The following GAS7 variants were observed in gnomAD, a reference collection of about 807,000 sequenced individuals.
GAS7 encodes growth arrest specific 7.
Under a neutral mutation model 71.1 loss-of-function variants are expected in GAS7, and 28 were observed. The ratio of observed to expected loss-of-function variants is 0.39; its 90% confidence interval spans 0.29 to 0.54. The LOEUF (loss-of-function observed/expected upper bound fraction) is 0.54. GAS7 is among the 20% of genes least tolerant of loss of function. GAS7 has a pLI of 0.62. For synonymous variants in GAS7, 258 were observed against 245.8 expected, an observed-to-expected ratio of 1.05 and a Z score of -0.46; for missense variants, 436 against 627.8, an observed-to-expected ratio of 0.69 and a Z score of 3.27.
chr17:9,921,676 T>C (rs2067814828), intron 11 of GAS7, among the ~76,000 whole-genome samples: 1 of 152,126 alleles, frequency 6.6e-6, no homozygotes, highest in Admixed American at 6.5e-5. Flanking sequence ...AATGCCTTTG[T>C]TGGCCAGGCG....
At chr17:10,194,099 T>C (rs964898224) in intron 1 of GAS7, among the ~76,000 whole-genome samples, 1 of 152,226 alleles carries the variant, frequency 6.6e-6, no homozygotes. Flanking sequence ...GCAGCCATTC[T>C]AGTTGTGCCA....
rs577341178 is a variant in GAS7, at chr17:9,946,507, C to T, written c.615+387G>A. On this transcript the variant is annotated intron_variant, in intron 6 of 13. Transcript: ENST00000432992. The stretch of plus-strand genomic sequence containing the variant: ...AACTGCCTCACAATTCTGATGAGAA[C>T]ACTGAGGCCCAAGGAGGTGAAGCAC... 2.6e-5 allele frequency among the ~76,000 whole-genome samples: 4 copies of T among 152,330 alleles called. No homozygotes were observed. The East Asian group carries it at 7.7e-4, about 29-fold the overall frequency.
At chr17:10,009,252 C>T (rs1464203660) in intron 2 of GAS7, among the ~76,000 whole-genome samples, 3 of 140,988 alleles carry the variant, frequency 2.1e-5, no homozygotes, top group Non-Finnish European at 4.5e-5. Flanking sequence ...ACCCGGGAGG[C>T]GGAGCTTGCA....
intron 1 of GAS7, among the ~76,000 whole-genome samples, chr17:10,169,460 A>C (rs1258913606): frequency 1.3e-5 from 2 of 152,118 alleles, no homozygotes; most frequent in African/African-American, 2.4e-5. Flanking sequence ...GATGCTAACA[A>C]CACCAGGAAG....
Position 10,026,234 on chromosome 17 carries a change from G to A in GAS7, c.184-6337C>T. The stretch of plus-strand genomic sequence containing the variant: ...CTCGCTTTAGCAGCCAGATCAGACG[G>A]TTTTAAGGTCTCCCACTCTGCATCC... On this transcript the variant is annotated intron_variant, in intron 1 of 13. Transcript: ENST00000432992. The surrounding 1 kb of genome is among the most constrained non-coding windows in gnomAD (Gnocchi z 4.5). The A allele has an allele frequency of 1.0e-6, 1 of 985,212 alleles. No homozygotes were observed. The highest frequency in any genetic ancestry group is 1.2e-6 in the Non-Finnish European group (1 of 829,784). The allele number at this position is 985,212 out of a possible 1,614,324, so 61.0% of individuals were successfully genotyped here.
intron 6 of GAS7, among the ~76,000 whole-genome samples, chr17:9,945,531 G>T (rs2068757853): frequency 6.6e-6 from 1 of 152,020 alleles, no homozygotes; most frequent in Non-Finnish European, 1.5e-5. Context: ...CTCTACCCTG[G>T]ACACAGCACA....
At chr17:9,927,716 G>C (rs1440762930) in intron 9 of GAS7, among the ~76,000 whole-genome samples, 1 of 152,188 alleles carries the variant, frequency 6.6e-6, no homozygotes, top group East Asian at 1.9e-4. Context: ...CATTCAATTA[G>C]AAGGTCTCAG....
chr17:9,949,294 A>G (rs1163079322), intron 5 of GAS7, among the ~76,000 whole-genome samples: 1 of 152,196 alleles, frequency 6.6e-6, no homozygotes, highest in Non-Finnish European at 1.5e-5. Flanking sequence ...GTGCTGACGG[A>G]TTATGTGATG....
chr17:10,068,345 G>C (rs1209310133), intron 1 of GAS7, among the ~76,000 whole-genome samples: 2 of 152,112 alleles, frequency 1.3e-5, no homozygotes, highest in East Asian at 3.9e-4. Flanking sequence ...ATGAAGCCCT[G>C]GGTTTCCTTC....
At chr17:10,163,317 GT>G (rs2074270196) in intron 1 of GAS7, among the ~76,000 whole-genome samples, 1 of 151,940 alleles carries the variant, frequency 6.6e-6, no homozygotes, top group South Asian at 2.1e-4. Context: ...CGGGGGAGTG[GT>G]TTCACCATGT....
At chr17:10,162,786 A>G (rs994828194) in intron 1 of GAS7, among the ~76,000 whole-genome samples, 14 of 152,348 alleles carry the variant, frequency 9.2e-5, no homozygotes, top group African/African-American at 3.4e-4. Flanking sequence ...TGAGGTCCCT[A>G]GTATAGTCAA....
At chr17:9,947,996 T>C (rs910900721) in intron 5 of GAS7, among the ~76,000 whole-genome samples, 14 of 152,234 alleles carry the variant, frequency 9.2e-5, no homozygotes, top group African/African-American at 3.4e-4. Flanking sequence ...AGTAATTATA[T>C]TTTTCTTGTT....
chr17:10,038,167 G>A (rs575911746), intron 1 of GAS7, among the ~76,000 whole-genome samples: 13 of 152,060 alleles, frequency 8.5e-5, no homozygotes, highest in Admixed American at 5.2e-4. Flanking sequence ...AGACCAACCC[G>A]GCCAACGTGG....
At chr17:10,139,356 G>A (rs2074063476) in intron 1 of GAS7, among the ~76,000 whole-genome samples, 1 of 152,218 alleles carries the variant, frequency 6.6e-6, no homozygotes. Flanking sequence ...TTGTCCAGGG[G>A]ACAGAGTCTA....
intron 13 of GAS7, 149 bp from the exon 14 acceptor site, chr17:9,917,490 A>G: frequency 3.1e-6 from 2 of 636,062 alleles, no homozygotes; most frequent in Non-Finnish European, 5.7e-6. Flanking sequence ...CATCTGAGGG[A>G]CAGCACATGA....
intron 7 of GAS7, among the ~76,000 whole-genome samples, chr17:9,940,581 C>T (rs2152090793): frequency 6.6e-6 from 1 of 152,276 alleles, no homozygotes; most frequent in Admixed American, 6.5e-5. Context: ...CCAGCAATCC[C>T]CAGTGCTGTC....
intron 1 of GAS7, among the ~76,000 whole-genome samples, chr17:10,119,147 G>A (rs937586462): frequency 1.4e-4 from 21 of 152,176 alleles, no homozygotes; most frequent in Admixed American, 1.4e-3. Context: ...GCGGGGAGCA[G>A]ACACTAAACA....
At chr17:9,979,947 C>T (rs1187817764) in intron 3 of GAS7, among the ~76,000 whole-genome samples, 3 of 151,962 alleles carry the variant, frequency 2.0e-5, no homozygotes, top group Non-Finnish European at 2.9e-5. Flanking sequence ...AGCTACAGTA[C>T]GAACGGGCCC....
chr17:10,180,166 C>A (rs970133914), intron 1 of GAS7, among the ~76,000 whole-genome samples: 1 of 152,086 alleles, frequency 6.6e-6, no homozygotes. Flanking sequence ...CGTGAGGAAA[C>A]CCCATCTCTA....
Sources: gnomAD v4.1 joint callset for allele counts (sites outside exome capture counted in the v4.1 genomes callset) on GRCh38, gnomAD v4.1.1 for gene constraint, Gnocchi (gnomAD v3.1) non-coding constraint, MANE v1.5 for transcripts, NCBI Gene and HGNC (gene_info 2026-07-23, HGNC 2026-07-21) for gene names.